Variants in PRDM2 observed in about 807,000 individuals in gnomAD.
PRDM2 encodes PR/SET domain 2, also known as PR domain zinc finger protein 2.
Under a neutral mutation model 130.0 loss-of-function variants are expected in PRDM2, and 30 were observed. That is an observed-to-expected ratio of 0.23 (90% CI 0.17 to 0.31). PRDM2 has a LOEUF of 0.31. Ranked by LOEUF, PRDM2 falls within the 10% of genes least tolerant of loss-of-function variation. The pLI, the probability that PRDM2 is intolerant of heterozygous loss-of-function variation, is 1.00. For missense variants in PRDM2, 2,011 were observed against 2,108.4 expected, an observed-to-expected ratio of 0.95 and a Z score of 0.90; for synonymous variants, 871 against 782.4, an observed-to-expected ratio of 1.11 and a Z score of -1.89.
intron 9 of PRDM2, among the ~76,000 whole-genome samples, chr1:13,820,994 C>A (rs138185459): frequency 6.6e-6 from 1 of 152,076 alleles, no homozygotes; most frequent in Non-Finnish European, 1.5e-5. Context: ...GGGATGCCTC[C>A]TCTCTTGAAG....
intron 2 of PRDM2, among the ~76,000 whole-genome samples, chr1:13,725,914 A>G (rs1379507342): frequency 6.6e-6 from 1 of 152,176 alleles, no homozygotes; most frequent in Non-Finnish European, 1.5e-5. Context: ...TGGCTCCACT[A>G]CTTCAAAACT....
chr1:13,754,209 T>A (rs1229444397), intron 6 of PRDM2, among the ~76,000 whole-genome samples: 1 of 152,108 alleles, frequency 6.6e-6, no homozygotes. Flanking sequence ...ATTATGAAAC[T>A]CAGTTCTGCA....
At chr1:13,797,712 G>T (rs1644943834) in intron 8 of PRDM2, among the ~76,000 whole-genome samples, 1 of 152,052 alleles carries the variant, frequency 6.6e-6, no homozygotes, top group Non-Finnish European at 1.5e-5. Flanking sequence ...TTTGCTCAGT[G>T]GACCACCTAC....
At position 13,777,760 on chromosome 1, in the gene PRDM2, C is replaced by T. The variant is rs535974173; in HGVS notation, c.623-658C>T. On this transcript the variant is annotated intron_variant, in intron 7 of 9. Coordinates refer to ENST00000311066, the MANE Select transcript of PRDM2 (RefSeq NM_001393986.1). ...TCAGGTGGGCTAGGCCTAGGGACTC[C>T]GAAGTGACTGCAGATTTCTGTTCCC... Among the ~76,000 whole-genome samples the T allele has an allele frequency of 7.3e-5, 11 of 150,038 alleles. No homozygotes were observed. In the East Asian group the frequency reaches 1.8e-3, roughly 24 times the overall value.
chr1:13,747,988 CCTTAGT>C, intron 5 of PRDM2, among the ~76,000 whole-genome samples: 1 of 152,210 alleles, frequency 6.6e-6, no homozygotes, highest in South Asian at 2.1e-4. Context: ...TTGGCTGGTA[CCTTAGT>C]CTTTGTCTTT....
At chr1:13,819,226 C>G (rs1167456589) in intron 9 of PRDM2, among the ~76,000 whole-genome samples, 1 of 152,212 alleles carries the variant, frequency 6.6e-6, no homozygotes, top group Non-Finnish European at 1.5e-5. Context: ...TTCTGTTGGC[C>G]ACTGCAGGCT....
In PRDM2 at chr1:13,823,620, C is replaced by T. The variant is rs12091217; in HGVS notation, c.*485C>T. The T allele has an allele frequency of 0.089, 14,498 of 163,040 alleles. 779 individuals are homozygous for T. Among genetic ancestry groups the T allele is most frequent in the East Asian group, 0.19 (1,082 of 5,606 alleles). 10.1% of individuals were successfully genotyped at this position (163,040 alleles called of 1,614,324 possible). A position where few individuals can be genotyped will look rare whatever the true frequency, so the allele number is the denominator to read the frequency against. On this transcript the variant is annotated 3_prime_UTR_variant, in exon 10 of 10. Transcript: ENST00000311066. ...CTTCAGTACCACCCCTCTCTCCCCA[C>T]CTTCCCTCTCCCGGCAACATCTCTG...
chr1:13,711,140 T>C (rs1422697860), intron 1 of PRDM2, among the ~76,000 whole-genome samples: 1 of 151,934 alleles, frequency 6.6e-6, no homozygotes, highest in Non-Finnish European at 1.5e-5. Flanking sequence ...GTGATACGCT[T>C]GGAAAGATTT....
At chr1:13,727,154 G>T (rs1030601905) in intron 2 of PRDM2, among the ~76,000 whole-genome samples, 1 of 152,072 alleles carries the variant, frequency 6.6e-6, no homozygotes, top group Non-Finnish European at 1.5e-5. Context: ...GGTCCTGGCT[G>T]TTTTCTTTTC....
chr1:13,721,654 T>G (rs1000440658), intron 2 of PRDM2, among the ~76,000 whole-genome samples: 2 of 152,190 alleles, frequency 1.3e-5, no homozygotes, highest in Admixed American at 6.5e-5. Context: ...AAATATTATT[T>G]GTGAAATTCA....
chr1:13,787,334 C>G, intron 8 of PRDM2: 15 of 984,872 alleles, frequency 1.5e-5, no homozygotes, highest in Non-Finnish European at 1.8e-5. Context: ...TTTACACTTG[C>G]ATCTCTAATA....
intron 9 of PRDM2, among the ~76,000 whole-genome samples, chr1:13,821,985 A>G (rs2100777830): frequency 6.6e-6 from 1 of 152,226 alleles, no homozygotes; most frequent in Non-Finnish European, 1.5e-5. Flanking sequence ...CTGAGCCTCC[A>G]TTTCTTTCAT....
In PRDM2 at chr1:13,823,145, C is replaced by CT. The variant is rs1344556461; in HGVS notation, c.*24-9dup. The CT allele has an allele frequency of 6.2e-7, 1 of 1,608,412 alleles. No homozygotes were observed. The highest frequency in any genetic ancestry group is 2.2e-5 in the East Asian group (1 of 44,678). On this transcript the variant is annotated splice_polypyrimidine_tract_variant and intron_variant, in intron 9 of 9. Transcript: ENST00000311066. ...TGCTTACTGTTATTATTTTTATTTT[C>CT]TTTTTCTCCTCAGCACCTGAAGTGA...
chr1:13,745,623 C>T (rs1279874134), intron 5 of PRDM2, among the ~76,000 whole-genome samples: 1 of 152,086 alleles, frequency 6.6e-6, no homozygotes, highest in African/African-American at 2.4e-5. Context: ...CGGGGTTTCA[C>T]CATATTGGTC....
chr1:13,733,716 T>C (rs114023548), intron 4 of PRDM2, among the ~76,000 whole-genome samples: 2,729 of 152,328 alleles, frequency 0.018, 61 homozygotes, highest in South Asian at 0.12. Flanking sequence ...CCTGGGGTAT[T>C]GCGTAGGAAT....
chr1:13,717,767 A>C (rs531228182), intron 2 of PRDM2, among the ~76,000 whole-genome samples: 1 of 152,238 alleles, frequency 6.6e-6, no homozygotes, highest in South Asian at 2.1e-4. Flanking sequence ...CTTTGATCCC[A>C]AATGCCAAGT....
At chr1:13,821,994 A>C (rs1281654176) in intron 9 of PRDM2, among the ~76,000 whole-genome samples, 1 of 152,150 alleles carries the variant, frequency 6.6e-6, no homozygotes, top group African/African-American at 2.4e-5. Context: ...CATTTCTTTC[A>C]TATAGAATGG....
At chr1:13,822,190 C>A (rs1476513253) in intron 9 of PRDM2, among the ~76,000 whole-genome samples, 1 of 152,120 alleles carries the variant, frequency 6.6e-6, no homozygotes, top group African/African-American at 2.4e-5. Flanking sequence ...CCAGGAAATA[C>A]CTATGAGAAT....
Position 13,823,351 on chromosome 1 carries a change from C to T in PRDM2, c.*216C>T. The stretch of plus-strand genomic sequence containing the variant: ...TGGTCTTCAAACGAGGGTCCCGATC[C>T]CCGGGGCGGCAGGAAGGGGGCCGAC... On this transcript the variant is annotated 3_prime_UTR_variant, in exon 10 of 10. Coordinates refer to ENST00000311066, the MANE Select transcript of PRDM2 (RefSeq NM_001393986.1). 1.4e-6 allele frequency: 1 copy of T among 732,198 alleles called. No homozygotes were observed. The highest frequency in any genetic ancestry group is 2.3e-6 in the Non-Finnish European group (1 of 427,776). 45.4% of individuals were successfully genotyped at this position (732,198 alleles called of 1,614,324 possible). A position where few individuals can be genotyped will look rare whatever the true frequency, so the allele number is the denominator to read the frequency against.
Sources: allele counts gnomAD v4.1 joint callset (sites outside exome capture counted in the v4.1 genomes callset), GRCh38; gene constraint gnomAD v4.1.1; transcripts MANE v1.5; gene names NCBI Gene and HGNC (gene_info 2026-07-23, HGNC 2026-07-21).